MACROD2: variants seen among roughly 807,000 people sequenced by gnomAD.
MACROD2 encodes ADP-ribose glycohydrolase MACROD2.
A neutral mutation model predicts 70.4 loss-of-function variants in MACROD2; 36 were observed. The observed-to-expected ratio is 0.51, with a 90% CI of 0.39 to 0.68. The LOEUF (loss-of-function observed/expected upper bound fraction) is 0.68, where lower values mean the gene tolerates loss of function less well. Among genes scored for constraint, MACROD2 ranks in the 30% least tolerant of loss-of-function variants. MACROD2 has a pLI of 0.00. For synonymous variants in MACROD2, 172 were observed against 178.8 expected (o/e 0.96, Z 0.30); for missense variants, 496 against 538.4 (o/e 0.92, Z 0.78).
intron 15 of MACROD2, among the ~76,000 whole-genome samples, chr20:16,023,035 G>A (rs983849828): frequency 6.6e-6 from 1 of 152,230 alleles, no homozygotes; most frequent in East Asian, 1.9e-4. Context: ...TTCTACTAAT[G>A]ATATCTTACT....
chr20:15,623,398 A>G (rs2049155330), intron 8 of MACROD2, among the ~76,000 whole-genome samples: 1 of 152,204 alleles, frequency 6.6e-6, no homozygotes, highest in African/African-American at 2.4e-5. Context: ...AATGACTGTA[A>G]TGTCTTTTCT....
chr20:14,493,596 G>T, intron 4 of MACROD2, 88 bp downstream of exon 4: 2 of 1,097,532 alleles, frequency 1.8e-6, no homozygotes, highest in Non-Finnish European at 2.7e-6. Context: ...ACACTTAAAA[G>T]AAAATTAATT....
chr20:15,346,128 G>A (rs926580882), intron 6 of MACROD2, among the ~76,000 whole-genome samples: 5 of 151,458 alleles, frequency 3.3e-5, no homozygotes, highest in African/African-American at 1.2e-4. Context: ...TTTTAAACAG[G>A]CCACAGTGCA....
At chr20:15,381,508 A>T (rs1708415468) in intron 6 of MACROD2, among the ~76,000 whole-genome samples, 1 of 151,752 alleles carries the variant, frequency 6.6e-6, no homozygotes. Context: ...ACAAAAAAAA[A>T]TACAAAAATT....
intron 6 of MACROD2, among the ~76,000 whole-genome samples, chr20:15,293,030 A>C (rs1199911883): frequency 6.6e-6 from 1 of 152,146 alleles, no homozygotes; most frequent in Non-Finnish European, 1.5e-5. Context: ...AGTGACAGAG[A>C]ACTCACTGCT....
intron 10 of MACROD2, among the ~76,000 whole-genome samples, chr20:15,907,434 A>T (rs2065164438): frequency 6.6e-6 from 1 of 152,214 alleles, no homozygotes. Flanking sequence ...GAGGATGGGG[A>T]GAGCATGGAA....
intron 3 of MACROD2, among the ~76,000 whole-genome samples, chr20:14,348,229 A>G (rs1265542123): frequency 6.7e-6 from 1 of 150,250 alleles, no homozygotes; most frequent in Non-Finnish European, 1.5e-5. Flanking sequence ...AGATTGTGCC[A>G]TTGCACTCCA....
chr20:15,358,104 G>A (rs1488629351), intron 6 of MACROD2, among the ~76,000 whole-genome samples: 2 of 152,094 alleles, frequency 1.3e-5, no homozygotes, highest in African/African-American at 2.4e-5. Context: ...CACCGCGCCC[G>A]GCCCTCAGTC....
intron 10 of MACROD2, among the ~76,000 whole-genome samples, chr20:15,886,780 A>G (rs1253208742): frequency 6.6e-6 from 1 of 152,120 alleles, no homozygotes; most frequent in Non-Finnish European, 1.5e-5. Context: ...ATTTTCTATA[A>G]GCTGAGTTTA....
At chr20:14,911,161 C>A (rs1053913887) in intron 5 of MACROD2, among the ~76,000 whole-genome samples, 4 of 152,056 alleles carry the variant, frequency 2.6e-5, no homozygotes, top group African/African-American at 9.7e-5. Flanking sequence ...GGTGTCTGGT[C>A]CCAAACCCTC....
intron 4 of MACROD2, among the ~76,000 whole-genome samples, chr20:14,646,551 A>G (rs1232992089): frequency 6.6e-6 from 1 of 152,124 alleles, no homozygotes; most frequent in Non-Finnish European, 1.5e-5. Flanking sequence ...TGGATTCATC[A>G]TAAAAGCTGT....
chr20:14,633,112 G>A (rs1285463042), intron 4 of MACROD2, among the ~76,000 whole-genome samples: 1 of 152,206 alleles, frequency 6.6e-6, no homozygotes, highest in East Asian at 1.9e-4. Context: ...GCCAGTAGTG[G>A]CCACTCGCCT....
At chr20:16,026,409 G>A (rs1403177412) in intron 15 of MACROD2, among the ~76,000 whole-genome samples, 1 of 152,150 alleles carries the variant, frequency 6.6e-6, no homozygotes, top group East Asian at 1.9e-4. Context: ...ACTTGACTAT[G>A]CCTCCCCCAA....
intron 13 of MACROD2, among the ~76,000 whole-genome samples, chr20:15,979,491 T>C (rs540473541): frequency 2.6e-5 from 4 of 152,182 alleles, no homozygotes; most frequent in East Asian, 1.9e-4. Flanking sequence ...TATAATCCTC[T>C]TTTAGGACGA....
At chr20:15,743,194 A>G (rs1054128192) in intron 8 of MACROD2, among the ~76,000 whole-genome samples, 3 of 152,138 alleles carry the variant, frequency 2.0e-5, no homozygotes, top group African/African-American at 7.2e-5. Context: ...CATCTTCCTG[A>G]TATATGAACA....
At chr20:15,579,255 A>G (rs1399539727) in intron 8 of MACROD2, among the ~76,000 whole-genome samples, 4 of 152,190 alleles carry the variant, frequency 2.6e-5, no homozygotes, top group Non-Finnish European at 5.9e-5. Flanking sequence ...AACCCTGAAG[A>G]GGTTTGGCCA....
At chr20:16,046,009 A>T (rs901314591) in intron 17 of MACROD2, among the ~76,000 whole-genome samples, 1 of 152,058 alleles carries the variant, frequency 6.6e-6, no homozygotes, top group Non-Finnish European at 1.5e-5. Flanking sequence ...AAAAGAAAAA[A>T]ACCTATGGAA....
chr20:15,008,489 C>T (rs1052374380), intron 5 of MACROD2, among the ~76,000 whole-genome samples: 11 of 152,060 alleles, frequency 7.2e-5, no homozygotes, highest in African/African-American at 7.3e-5. Context: ...GGATGTTCAT[C>T]GGGGAGAATA....
intron 12 of MACROD2, among the ~76,000 whole-genome samples, chr20:15,937,745 ATATG>A (rs1208693845): frequency 0.025 from 3,653 of 147,532 alleles, 154 homozygotes; most frequent in African/African-American, 0.087. Context: ...ATATATATAT[ATATG>A]TGTGTATATA....
Sources: allele counts gnomAD v4.1 joint callset (sites outside exome capture counted in the v4.1 genomes callset), GRCh38; gene constraint gnomAD v4.1.1; transcripts MANE v1.5; gene names NCBI Gene and HGNC (gene_info 2026-07-23, HGNC 2026-07-21).